The following LRRC69 variants were observed in gnomAD, a reference collection of about 807,000 sequenced individuals.
The protein encoded by LRRC69 is leucine-rich repeat-containing protein 69.
A neutral mutation model predicts 37.8 loss-of-function variants in LRRC69; 42 were observed. The ratio of observed to expected loss-of-function variants is 1.11; its 90% CI spans 0.87 to 1.44. The LOEUF is 1.44. Among genes scored for constraint, LRRC69 ranks in the 40% most tolerant of loss-of-function variants. The pLI is 0.00. For synonymous variants in LRRC69, 141 were observed against 143.1 expected (o/e 0.99, Z 0.11); for missense variants, 357 against 401.9 (o/e 0.89, Z 0.96).
intron 6 of LRRC69, among the ~76,000 whole-genome samples, chr8:91,197,027 A>G (rs1235716049): frequency 6.6e-6 from 1 of 150,696 alleles, no homozygotes; most frequent in Admixed American, 6.6e-5. Flanking sequence ...TTTGGTGTGG[A>G]TGTCCTTTCT....
intron 5 of LRRC69, among the ~76,000 whole-genome samples, chr8:91,183,024 C>G (rs1476870863): frequency 6.6e-6 from 1 of 152,038 alleles, no homozygotes; most frequent in African/African-American, 2.4e-5. Context: ...ACATTCCAGA[C>G]AGAAGGAATA....
At chr8:91,159,617 T>G (rs1398413633) in intron 5 of LRRC69, among the ~76,000 whole-genome samples, 4 of 151,154 alleles carry the variant, frequency 2.6e-5, no homozygotes. Context: ...AAAACATGCA[T>G]TTGACAAATC....
In LRRC69 at chr8:91,211,613, TA is replaced by T. The variant is rs201763057; in HGVS notation, c.934-7276del. ...TTATACAAATATATATATATATATATATATTTTTTTTTTATTTTTTTTGCTT... is the reference window on the plus strand; with the variant it reads ...TTATACAAATATATATATATATATATTATTTTTTTTTTATTTTTTTTGCTT... On this transcript the variant is annotated intron_variant, in intron 7 of 7. Coordinates refer to ENST00000448384, the Ensembl canonical transcript of LRRC69. Among the ~76,000 whole-genome samples the T allele has an allele frequency of 4.5e-3, 613 of 135,124 alleles. 5 individuals carry two copies. The highest frequency in any genetic ancestry group is 0.015 in the African/African-American group (535 of 36,604). 88.6% of individuals were successfully genotyped at this position (135,124 alleles called of 152,430 possible).
intron 3 of LRRC69, among the ~76,000 whole-genome samples, chr8:91,131,630 A>G (rs1189446091): frequency 2.0e-5 from 3 of 151,912 alleles, no homozygotes; most frequent in African/African-American, 4.8e-5. Context: ...ATACATTACT[A>G]TAAATGGAAA....
intron 6 of LRRC69, among the ~76,000 whole-genome samples, chr8:91,190,782 C>G (rs1809480337): frequency 6.6e-6 from 1 of 152,118 alleles, no homozygotes. Context: ...AGGCTGGGCA[C>G]AGTGTCTCAT....
intron 6 of LRRC69, among the ~76,000 whole-genome samples, chr8:91,191,052 C>CCT (rs1554595707): frequency 3.4e-4 from 50 of 145,464 alleles, no homozygotes; most frequent in African/African-American, 1.2e-3. Flanking sequence ...CCCCCCCCCC[C>CCT]CCAAGTCAAA....
intron 1 of LRRC69, among the ~76,000 whole-genome samples, chr8:91,113,934 G>A (rs1479615565): frequency 8.7e-6 from 1 of 115,488 alleles, no homozygotes; most frequent in African/African-American, 3.4e-5. Context: ...GAGACCAGGA[G>A]TTCAAGACCA....
intron 3 of LRRC69, among the ~76,000 whole-genome samples, chr8:91,132,851 C>G (rs1178511023): frequency 6.6e-6 from 1 of 151,922 alleles, no homozygotes. Flanking sequence ...ATATAATTTT[C>G]TTTTTCTGAA....
chr8:91,207,736 C>T (rs530896584), intron 7 of LRRC69, among the ~76,000 whole-genome samples: 5 of 152,242 alleles, frequency 3.3e-5, no homozygotes, highest in African/African-American at 9.6e-5. Flanking sequence ...AGTGAAGTCA[C>T]GGAAGGTGAG....
intron 5 of LRRC69, among the ~76,000 whole-genome samples, chr8:91,149,055 T>C (rs1405995687): frequency 3.3e-5 from 5 of 151,180 alleles, no homozygotes; most frequent in African/African-American, 1.2e-4. Context: ...CTGATGGTAC[T>C]TTGTTTTGCT....
Position 91,155,936 on chromosome 8 carries a change from C to CAT in LRRC69, c.651+20208_651+20209dup, listed in dbSNP as rs201005987. On this transcript the variant is annotated intron_variant, in intron 5 of 7. Coordinates refer to ENST00000448384, the Ensembl canonical transcript of LRRC69. ...ATACAACATATATATATACACACAC[C>CAT]ATATATATATATGAAACATTTTCCT... Among the ~76,000 whole-genome samples the CAT allele has an allele frequency of 7.4e-3, 1,085 of 146,430 alleles. 7 individuals are homozygous for CAT. The highest frequency in any genetic ancestry group is 0.012 in the Non-Finnish European group (825 of 66,332).
chr8:91,127,052 CA>C (rs1174472598), intron 2 of LRRC69, 35 bp from the exon 3 acceptor site: 2 of 1,464,196 alleles, frequency 1.4e-6, no homozygotes, highest in African/African-American at 2.8e-5. Flanking sequence ...AATTATCTAA[CA>C]GATGGCTAAA....
At chr8:91,140,943 G>A (rs1808521483) in intron 5 of LRRC69, among the ~76,000 whole-genome samples, 1 of 17,188 alleles carries the variant, frequency 5.8e-5, no homozygotes, top group African/African-American at 3.0e-4. Flanking sequence ...GTGAGCCACC[G>A]CGCCCGGCCT....
intron 7 of LRRC69, among the ~76,000 whole-genome samples, chr8:91,202,116 G>A (rs1809720167): frequency 6.6e-6 from 1 of 152,144 alleles, no homozygotes; most frequent in Non-Finnish European, 1.5e-5. Flanking sequence ...TGAGACAGGA[G>A]AATCACTTGA....
intron 7 of LRRC69, chr8:91,206,904 C>A: frequency 1.7e-6 from 2 of 1,167,464 alleles, no homozygotes; most frequent in Admixed American, 2.6e-5. Flanking sequence ...GGAACTCATA[C>A]ATGTTATTCC....
intron 5 of LRRC69, among the ~76,000 whole-genome samples, chr8:91,141,923 TATC>T (rs1224842530): frequency 2.0e-5 from 3 of 152,010 alleles, no homozygotes; most frequent in Non-Finnish European, 4.4e-5. Context: ...TTGGATAGGC[TATC>T]ATCGTGGGAT....
chr8:91,157,710 A>T, intron 5 of LRRC69: 1 of 1,602,896 alleles, frequency 6.2e-7, no homozygotes, highest in East Asian at 2.2e-5. Context: ...AAGCAAAAAT[A>T]TACTGTGAAC....
In LRRC69 at chr8:91,158,144, C is replaced by G. The variant is rs764088100; in HGVS notation, c.651+22405C>G. 4 of 1,601,366 alleles carry G rather than the reference C, an allele frequency of 2.5e-6. No individual in the cohort carries two copies. The South Asian group carries it at 3.3e-5, about 13-fold the overall frequency. ...ATTACCAGGTGAAACTCTCACTTAC[C>G]TATGGAAAATCCCAGAAAGATCTGG... is the stretch of plus-strand genomic sequence containing the variant. On this transcript the variant is annotated intron_variant, in intron 5 of 7. Coordinates refer to ENST00000448384, the Ensembl canonical transcript of LRRC69.
rs563117875 is a variant in LRRC69 at position 91,121,812 on chromosome 8, GAT to G, written c.184-2678_184-2677del. ...GAATGGTGACCCACCTGCTTTAAGA[GAT>G]ATGTATTCACTTAGAATATGTGCAG... On this transcript the variant is annotated intron_variant, in intron 1 of 7. Coordinates refer to ENST00000448384, the Ensembl canonical transcript of LRRC69. 9.1e-4 allele frequency among the ~76,000 whole-genome samples: 139 copies of G among 152,104 alleles called. 1 individual carries two copies. Among genetic ancestry groups the G allele is most frequent in the African/African-American group, 3.2e-3 (134 of 41,552 alleles).
Sources: gnomAD v4.1 joint callset for allele counts (sites outside exome capture counted in the v4.1 genomes callset) on GRCh38, gnomAD v4.1.1 for gene constraint, MANE v1.5 for transcripts, NCBI Gene and HGNC (gene_info 2026-07-23, HGNC 2026-07-21) for gene names.